Variants in AMPD3 observed in about 807,000 individuals in gnomAD.
AMPD3 encodes adenosine monophosphate deaminase 3.
AMPD3 carries 57 observed loss-of-function variants against 82.3 expected under a neutral mutation model. That is an observed-to-expected ratio of 0.69 (90% CI 0.56 to 0.86). The LOEUF (loss-of-function observed/expected upper bound fraction) is 0.86. Among genes scored for constraint, AMPD3 ranks in the 40% least tolerant of loss-of-function variants. The pLI is 0.00. For missense variants in AMPD3, 870 were observed against 1,003.8 expected, an observed-to-expected ratio of 0.87 and a Z score of 1.80; for synonymous variants, 381 against 394.7, an observed-to-expected ratio of 0.97 and a Z score of 0.41.
chr11:10,455,204 C>T, upstream of AMPD3: 1 of 985,448 alleles, frequency 1.0e-6, no homozygotes, highest in South Asian at 4.7e-5. Context: ...TGGTTATTTC[C>T]CAGGACCACA....
chr11:10,451,657 A>G (rs1847967032), upstream of AMPD3, among the ~76,000 whole-genome samples: 1 of 152,182 alleles, frequency 6.6e-6, no homozygotes, highest in Non-Finnish European at 1.5e-5. Flanking sequence ...TAACTAGGGT[A>G]TCATTTCCCC....
intron 2 of AMPD3, among the ~76,000 whole-genome samples, chr11:10,476,506 T>C (rs1364754232): frequency 6.6e-6 from 1 of 151,692 alleles, no homozygotes; most frequent in Non-Finnish European, 1.5e-5. Context: ...TTTTTTAAAC[T>C]TTCTTAGCTG....
chr11:10,451,490 C>A (rs1017335406), upstream of AMPD3, among the ~76,000 whole-genome samples: 5 of 152,200 alleles, frequency 3.3e-5, no homozygotes, highest in African/African-American at 4.8e-5. Context: ...TGGCTCTCTC[C>A]CGGCAAGGGA....
intron 2 of AMPD3, chr11:10,478,192 A>C: frequency 2.0e-6 from 2 of 985,294 alleles, no homozygotes; most frequent in Non-Finnish European, 2.4e-6. Context: ...CCTCCCCTCT[A>C]GTGCCCTGTG....
chr11:10,504,482 G>C, intron 13 of AMPD3, 67 bp from the exon 14 acceptor site: 1 of 1,475,786 alleles, frequency 6.8e-7, no homozygotes, highest in Non-Finnish European at 9.5e-7. Flanking sequence ...TGTTAGCTTT[G>C]GACATGTGTG....
intron 3 of AMPD3, 136 bp from the exon 4 acceptor site, chr11:10,481,927 A>T (rs559046887): frequency 2.0e-6 from 2 of 1,008,426 alleles, no homozygotes; most frequent in African/African-American, 1.6e-5. Context: ...CTTATTGGTC[A>T]AGGAGTGGTG....
At chr11:10,500,478 T>C in intron 11 of AMPD3, 1 of 608,610 alleles carries the variant, frequency 1.6e-6, no homozygotes, top group Non-Finnish European at 2.1e-6. Context: ...ATAACACACA[T>C]GCCAGTACAG....
At chr11:10,495,780 A>C (rs761108203) in intron 9 of AMPD3, 47 bp downstream of exon 9, 5 of 1,610,080 alleles carry the variant, frequency 3.1e-6, no homozygotes, top group Non-Finnish European at 4.2e-6. Context: ...CAGAGGTGAC[A>C]ATCTGTCCCT....
At chr11:10,479,227 T>G (rs1381706281) in intron 3 of AMPD3, among the ~76,000 whole-genome samples, 1 of 152,190 alleles carries the variant, frequency 6.6e-6, no homozygotes, top group African/African-American at 2.4e-5. Flanking sequence ...ATTGAGCAAA[T>G]TGGTTTACAC....
intron 2 of AMPD3, among the ~76,000 whole-genome samples, chr11:10,468,044 T>C (rs1456432689): frequency 6.6e-6 from 1 of 152,208 alleles, no homozygotes; most frequent in Non-Finnish European, 1.5e-5. Flanking sequence ...GAGCAACCGG[T>C]ACCAGCCACT....
At chr11:10,486,516 C>A in intron 5 of AMPD3, 1 of 974,726 alleles carries the variant, frequency 1.0e-6, no homozygotes, top group Non-Finnish European at 1.2e-6. Context: ...AATCATGGGC[C>A]CCTTCTCTGA....
intron 9 of AMPD3, 115 bp downstream of exon 9, chr11:10,495,848 G>C (rs1396384160): frequency 7.4e-7 from 1 of 1,349,738 alleles, no homozygotes; most frequent in Non-Finnish European, 1.0e-6. Context: ...GCCAGCTTAC[G>C]CTTGTCCTTT....
In AMPD3 at chr11:10,492,618, T is replaced by C. The variant is rs951254633; in HGVS notation, c.940-731T>C. Among the ~76,000 whole-genome samples, 40 of 152,206 alleles carry C rather than the reference T, an allele frequency of 2.6e-4. 1 individual carries two copies. Among genetic ancestry groups the C allele is most frequent in the Admixed American group, 2.3e-3 (35 of 15,272 alleles). On this transcript the variant is annotated intron_variant, in intron 6 of 14. Coordinates refer to ENST00000396553, the MANE Select transcript of AMPD3 (RefSeq NM_001025389.2). ...TTCATCCATTGGTTCGACTTTGTAC[T>C]AGGCTCTGGGGTAGGTGCTGAAGAC...
chr11:10,503,809 T>C, intron 13 of AMPD3: 1 of 236,172 alleles, frequency 4.2e-6, no homozygotes, highest in Middle Eastern at 2.2e-3. Context: ...AATCAAAATA[T>C]GTAAAAATAG....
At chr11:10,488,076 TTTAAAGAAAAGCCTCTGATA>T (rs1849128603) in intron 6 of AMPD3, 5 of 319,422 alleles carry the variant, frequency 1.6e-5, no homozygotes, top group Non-Finnish European at 2.3e-5. Context: ...ATCATGTGGA[TTTAAAGAAAAGCCTCTGATA>T]TGCTCAGATC....
chr11:10,500,591 T>C (rs544671824), intron 11 of AMPD3: 1 of 984,430 alleles, frequency 1.0e-6, no homozygotes, highest in South Asian at 4.7e-5. Flanking sequence ...TGTACATCCC[T>C]GAGATAATGG....
upstream of AMPD3, chr11:10,455,173 C>T (rs1431220318): frequency 1.0e-6 from 1 of 985,344 alleles, no homozygotes; most frequent in East Asian, 1.1e-4. Flanking sequence ...AACAGCACCA[C>T]AGAAATAGCC....
At chr11:10,472,687 T>G (rs1314338663) in intron 2 of AMPD3, among the ~76,000 whole-genome samples, 1 of 152,222 alleles carries the variant, frequency 6.6e-6, no homozygotes, top group Non-Finnish European at 1.5e-5. Context: ...TTTGAAATAG[T>G]CAATCTATCC....
In AMPD3 at chr11:10,506,095, T is replaced by C; in HGVS notation, c.*211T>C. ...GAGTAACAAGATGGTGACTTCTCCT[T>C]GGGGATCTGGGAGCTGAGCACTTGT... On this transcript the variant is annotated 3_prime_UTR_variant, in exon 15 of 15. Transcript: ENST00000396553. This position sits in a 1 kb window ranked among gnomAD's most constrained non-coding sequence, Gnocchi z 4.1. 4.9e-6 allele frequency: 3 copies of C among 615,906 alleles called. No homozygotes were observed. In the South Asian group the frequency reaches 5.6e-5, roughly 11 times the overall value. The allele number at this position is 615,906 out of a possible 1,614,324, so 38.2% of individuals were successfully genotyped here.
Sources: gnomAD v4.1 joint callset for allele counts (sites outside exome capture counted in the v4.1 genomes callset) on GRCh38, gnomAD v4.1.1 for gene constraint, Gnocchi (gnomAD v3.1) non-coding constraint, MANE v1.5 for transcripts, NCBI Gene and HGNC (gene_info 2026-07-23, HGNC 2026-07-21) for gene names.